CNTNAP4: variants seen among roughly 807,000 people sequenced by gnomAD.
CNTNAP4 encodes the protein contactin-associated protein-like 4.
Under a neutral mutation model 148.4 loss-of-function variants are expected in CNTNAP4, and 98 were observed. That is an observed-to-expected ratio of 0.66 (90% CI 0.56 to 0.78). CNTNAP4 has a LOEUF of 0.78. CNTNAP4 is among the 30% of genes least tolerant of loss of function. The pLI is 0.00. For synonymous variants in CNTNAP4, 730 were observed against 565.1 expected, an observed-to-expected ratio of 1.29 and a Z score of -4.14; for missense variants, 1,935 against 1,565.6, an observed-to-expected ratio of 1.24 and a Z score of -3.98.
chr16:76,298,725 A>G (rs1021934203), intron 1 of CNTNAP4, among the ~76,000 whole-genome samples: 2 of 152,110 alleles, frequency 1.3e-5, no homozygotes, highest in Non-Finnish European at 2.9e-5. Flanking sequence ...GGCCAACTGG[A>G]CTGCTGATCC....
At position 76,355,845 on chromosome 16, in the gene CNTNAP4, TTTA is replaced by T. The variant is rs2012546738; in HGVS notation, c.390+337_390+339del. Among the ~76,000 whole-genome samples the T allele has an allele frequency of 1.4e-4, 5 of 34,546 alleles. No homozygotes were observed. In the South Asian group the frequency reaches 2.1e-3, roughly 15 times the overall value. The allele number at this position is 34,546 out of a possible 152,430, so 22.7% of individuals were successfully genotyped here. A position where few individuals can be genotyped will look rare whatever the true frequency, so the allele number is the denominator to read the frequency against. On this transcript the variant is annotated intron_variant, in intron 3 of 23. Transcript: ENST00000611870. ...CATAATAGTCTTGCATTGTCTTTTATTTATTTATTTATTTATTTATTTATTTAT... is the reference window on the plus strand; with the variant it reads ...CATAATAGTCTTGCATTGTCTTTTATTTTATTTATTTATTTATTTATTTAT...
At chr16:76,515,214 T>C (rs542470817) in intron 15 of CNTNAP4, among the ~76,000 whole-genome samples, 1 of 152,166 alleles carries the variant, frequency 6.6e-6, no homozygotes, top group Non-Finnish European at 1.5e-5. Flanking sequence ...GTATATAGAA[T>C]ATATGAAGAA....
At chr16:76,486,712 T>C (rs554401827) in intron 12 of CNTNAP4, among the ~76,000 whole-genome samples, 1 of 152,290 alleles carries the variant, frequency 6.6e-6, no homozygotes, top group East Asian at 1.9e-4. Context: ...GACTGTACCT[T>C]CTCTCCTCTA....
At chr16:76,460,773 A>AAAAAAAAAAAAAAATATATATATATAT in intron 8 of CNTNAP4, among the ~76,000 whole-genome samples, 2 of 57,326 alleles carry the variant, frequency 3.5e-5, no homozygotes, top group Non-Finnish European at 6.6e-5. Flanking sequence ...AAAAAAAAAA[A>AAAAAAAAAAAAAAATATATATATATAT]ATATATATAT....
intron 1 of CNTNAP4, among the ~76,000 whole-genome samples, chr16:76,307,358 A>C (rs995536086): frequency 6.6e-6 from 1 of 151,782 alleles, no homozygotes; most frequent in Non-Finnish European, 1.5e-5. Flanking sequence ...AAATCAGCAA[A>C]CCTTGCTGAG....
At chr16:76,427,879 A>T (rs988667244) in intron 4 of CNTNAP4, among the ~76,000 whole-genome samples, 1 of 152,188 alleles carries the variant, frequency 6.6e-6, no homozygotes, top group South Asian at 2.1e-4. Context: ...ATTATTGACT[A>T]TGTTGTAACT....
intron 15 of CNTNAP4, 134 bp downstream of exon 15, chr16:76,498,828 C>G: frequency 1.2e-6 from 1 of 861,970 alleles, no homozygotes; most frequent in Non-Finnish European, 1.7e-6. Context: ...TTGTTTGTTT[C>G]CACATACATG....
chr16:76,374,245 C>G (rs544566800), intron 3 of CNTNAP4, among the ~76,000 whole-genome samples: 61 of 152,174 alleles, frequency 4.0e-4, no homozygotes, highest in Admixed American at 2.9e-3. Context: ...ACATTATGTT[C>G]AGAATAATCA....
intron 3 of CNTNAP4, among the ~76,000 whole-genome samples, chr16:76,414,584 A>G (rs1000360553): frequency 6.6e-6 from 1 of 151,208 alleles, no homozygotes; most frequent in East Asian, 1.9e-4. Context: ...CTTTGAAGGT[A>G]CTTGTTTAAT....
chr16:76,433,150 G>A (rs1470859349), intron 4 of CNTNAP4, among the ~76,000 whole-genome samples: 1 of 151,806 alleles, frequency 6.6e-6, no homozygotes, highest in African/African-American at 2.4e-5. Context: ...TTCTTTTTTT[G>A]TTATTAGTCT....
intron 21 of CNTNAP4, among the ~76,000 whole-genome samples, chr16:76,542,551 G>A (rs1234962854): frequency 6.6e-6 from 1 of 152,064 alleles, no homozygotes; most frequent in Non-Finnish European, 1.5e-5. Context: ...CAGGTGGCTG[G>A]GAAAGGGATG....
At chr16:76,500,796 G>A (rs1220497192) in intron 15 of CNTNAP4, among the ~76,000 whole-genome samples, 2 of 150,542 alleles carry the variant, frequency 1.3e-5, no homozygotes, top group Non-Finnish European at 3.0e-5. Context: ...TATTTTCTTT[G>A]ATCAGGGAAT....
intron 15 of CNTNAP4, among the ~76,000 whole-genome samples, chr16:76,500,435 G>A (rs892561975): frequency 1.6e-4 from 24 of 152,300 alleles, no homozygotes; most frequent in African/African-American, 5.8e-4. Context: ...GTACATTCCA[G>A]CATTCCTGAA....
chr16:76,313,630 G>A (rs1210131632), intron 1 of CNTNAP4, among the ~76,000 whole-genome samples: 1 of 152,172 alleles, frequency 6.6e-6, no homozygotes, highest in Non-Finnish European at 1.5e-5. Context: ...TGTCATAATG[G>A]TGAAAGAATT....
At chr16:76,505,393 G>T (rs1012826262) in intron 15 of CNTNAP4, among the ~76,000 whole-genome samples, 1 of 97,646 alleles carries the variant, frequency 1.0e-5, no homozygotes, top group African/African-American at 2.6e-5. Context: ...TACATGCTTT[G>T]AATGATTCAA....
In CNTNAP4 at chr16:76,499,221, TTAAC is replaced by T. The variant is rs528109602; in HGVS notation, c.2365+530_2365+533del. On this transcript the variant is annotated intron_variant, in intron 15 of 23. Coordinates refer to ENST00000611870, the MANE Select transcript of CNTNAP4 (RefSeq NM_033401.5). ...CAATTTTTTTAATTAAAAAAACTCT[TTAAC>T]TATCTGAAGGCTACTATCATGACCC... Among the ~76,000 whole-genome samples the T allele has an allele frequency of 6.5e-3, 987 of 152,096 alleles. 10 individuals are homozygous for T. The highest frequency in any genetic ancestry group is 0.023 in the African/African-American group (938 of 41,478).
intron 3 of CNTNAP4, among the ~76,000 whole-genome samples, chr16:76,359,287 A>G (rs991947888): frequency 2.6e-5 from 4 of 152,246 alleles, no homozygotes; most frequent in Non-Finnish European, 4.4e-5. Context: ...CATGATGCAA[A>G]TAAGTCTACG....
At chr16:76,396,720 C>G (rs941127171) in intron 3 of CNTNAP4, among the ~76,000 whole-genome samples, 2 of 152,154 alleles carry the variant, frequency 1.3e-5, no homozygotes, top group African/African-American at 4.8e-5. Context: ...CACCTCATGC[C>G]TACTGTGTAT....
At chr16:76,539,568 T>C (rs2084359388) in intron 19 of CNTNAP4, 151 bp from the exon 20 acceptor site, 1 of 635,734 alleles carries the variant, frequency 1.6e-6, no homozygotes. Context: ...CAATTTCACT[T>C]GGAAACTGAC....
Sources: allele counts gnomAD v4.1 joint callset (sites outside exome capture counted in the v4.1 genomes callset), GRCh38; gene constraint gnomAD v4.1.1; transcripts MANE v1.5; gene names NCBI Gene and HGNC (gene_info 2026-07-23, HGNC 2026-07-21).